The following SYNE2 variants were observed in gnomAD, a reference collection of about 807,000 sequenced individuals.
The protein encoded by SYNE2 is spectrin repeat containing nuclear envelope protein 2.
Under a neutral mutation model 856.3 loss-of-function variants are expected in SYNE2, and 431 were observed. That is an observed-to-expected ratio of 0.50 (90% CI 0.47 to 0.55). SYNE2 has a LOEUF of 0.55. SYNE2 is among the 20% of genes least tolerant of loss of function. The pLI, the probability that SYNE2 is intolerant of heterozygous loss-of-function variation, is 0.00. For missense variants in SYNE2, 8,129 were observed against 8,023.2 expected (o/e 1.01, Z -0.50); for synonymous variants, 2,923 against 2,872.3 (o/e 1.02, Z -0.56).
chr14:64,002,609 CAA>C (rs1407517068), intron 29 of SYNE2, 109 bp from the exon 30 acceptor site: 1 of 1,265,826 alleles, frequency 7.9e-7, no homozygotes, highest in African/African-American at 1.5e-5. Context: ...TTGTTAAACT[CAA>C]AAGCATTTTT....
intron 1 of SYNE2, among the ~76,000 whole-genome samples, chr14:63,828,281 C>T (rs1889538398): frequency 1.3e-5 from 2 of 152,034 alleles, no homozygotes; most frequent in East Asian, 3.8e-4. Context: ...AAATACAGTA[C>T]AACACCTAGT....
chr14:63,948,722 G>GTGTATATATATATATGTATA (rs1555393492), intron 6 of SYNE2, among the ~76,000 whole-genome samples: 3 of 101,518 alleles, frequency 3.0e-5, no homozygotes, highest in African/African-American at 1.2e-4. Context: ...ATATATGTGT[G>GTGTATATATATATATGTATA]TATATATATG....
intron 2 of SYNE2, among the ~76,000 whole-genome samples, chr14:63,936,626 A>C (rs1331980803): frequency 6.6e-6 from 1 of 152,224 alleles, no homozygotes; most frequent in Non-Finnish European, 1.5e-5. Context: ...TTGGAGCAGA[A>C]GCAGCAGGTG....
intron 62 of SYNE2, chr14:64,098,522 A>G (rs546645443): frequency 6.6e-6 from 4 of 608,518 alleles, no homozygotes; most frequent in African/African-American, 3.7e-5. Context: ...TTAATCGTTT[A>G]TGAAGGGGCA....
chr14:64,184,662 C>G (rs1753146391), intron 96 of SYNE2, among the ~76,000 whole-genome samples: 2 of 152,080 alleles, frequency 1.3e-5, no homozygotes, highest in African/African-American at 4.8e-5. Flanking sequence ...GCAGGTGGCC[C>G]CCTTTATGTT....
chr14:63,895,483 G>T (rs2095232797), intron 1 of SYNE2, among the ~76,000 whole-genome samples: 1 of 150,660 alleles, frequency 6.6e-6, no homozygotes, highest in African/African-American at 2.4e-5. Context: ...CCCAGGAAGG[G>T]TGGTTCACAC....
intron 85 of SYNE2, among the ~76,000 whole-genome samples, chr14:64,157,592 T>C (rs1322683626): frequency 6.6e-6 from 1 of 152,230 alleles, no homozygotes; most frequent in Admixed American, 6.5e-5. Context: ...AATTCTCTTG[T>C]GTGTATAAGA....
chr14:64,086,724 T>C (rs2097564936), intron 57 of SYNE2, among the ~76,000 whole-genome samples: 1 of 135,872 alleles, frequency 7.4e-6, no homozygotes, highest in Non-Finnish European at 1.6e-5. Context: ...TTTTTTTTTT[T>C]TTTGAGATGG....
At chr14:64,047,181 G>A (rs1290423959) in intron 45 of SYNE2, among the ~76,000 whole-genome samples, 1 of 152,190 alleles carries the variant, frequency 6.6e-6, no homozygotes, top group African/African-American at 2.4e-5. Context: ...TCAGTGGAGA[G>A]GGAAGCTGGA....
chr14:63,872,714 A>T lies in SYNE2; in HGVS notation c.-52+19571A>T, dbSNP rs554766211. Reference sequence around the variant, plus strand: ...GAGGCAGAGGCTGCAGTGGCCTAAGATCACACCACTGTACTCCAGCCTGGG... The same window carrying T: ...GAGGCAGAGGCTGCAGTGGCCTAAGTTCACACCACTGTACTCCAGCCTGGG... On this transcript the variant is annotated intron_variant, in intron 1 of 115. Transcript: ENST00000555002. Among the ~76,000 whole-genome samples the T allele has an allele frequency of 4.8e-5, 7 of 146,472 alleles. No homozygotes were observed. In the South Asian group the frequency reaches 1.3e-3, roughly 27 times the overall value.
rs1483692492 is a variant in SYNE2 at position 64,074,025 on chromosome 14, A to G, written c.10755A>G (p.Arg3585=). Residue 3585 remains arginine (R), a synonymous_variant, in exon 53 of 116, where the codon AGA becomes AGG. Coordinates refer to ENST00000555002, the MANE Select transcript of SYNE2 (RefSeq NM_182914.3). ...KELVQTEIQE[R]HSFTKEIIAL... is the part of the protein sequence containing the mutation. The stretch of plus-strand genomic sequence containing the variant: ...TGGTGCAGACTGAAATCCAAGAAAG[A>G]CATTCCTTCACAAAAGAGATAATTG... 1.2e-6 allele frequency: 2 copies of G among 1,614,140 alleles called. No individual in the cohort carries two copies. The highest frequency in any genetic ancestry group is 1.3e-5 in the African/African-American group (1 of 74,954).
At chr14:64,020,189 T>A in intron 35 of SYNE2, 96 bp downstream of exon 35, 1 of 856,214 alleles carries the variant, frequency 1.2e-6, no homozygotes, top group African/African-American at 1.7e-5. Flanking sequence ...CAAAACCCTG[T>A]CTCTAAAAGA....
intron 9 of SYNE2, among the ~76,000 whole-genome samples, chr14:63,963,301 A>G (rs1283637949): frequency 6.6e-6 from 1 of 152,216 alleles, no homozygotes; most frequent in African/African-American, 2.4e-5. Context: ...ATATTAGAAA[A>G]CTTTTACTTA....
At chr14:63,994,452 T>C (rs148080030) in intron 22 of SYNE2, among the ~76,000 whole-genome samples, 1 of 152,354 alleles carries the variant, frequency 6.6e-6, no homozygotes, top group East Asian at 1.9e-4. Flanking sequence ...ATAAACTTTA[T>C]TACTTTAGAA....
chr14:63,962,095 C>T (rs528951104), intron 9 of SYNE2, among the ~76,000 whole-genome samples: 17 of 151,400 alleles, frequency 1.1e-4, no homozygotes, highest in African/African-American at 3.9e-4. Flanking sequence ...CTTGCCCTGT[C>T]GCCCAGGCTG....
At chr14:64,153,490 C>A (rs925234422) in intron 85 of SYNE2, among the ~76,000 whole-genome samples, 2 of 152,166 alleles carry the variant, frequency 1.3e-5, no homozygotes, top group African/African-American at 4.8e-5. Context: ...AATCTACTTT[C>A]AACCATTTGT....
chr14:63,785,033 T>C (rs142128854), intron 1 of SYNE2, among the ~76,000 whole-genome samples: 88 of 152,280 alleles, frequency 5.8e-4, no homozygotes, highest in Middle Eastern at 3.4e-3. Context: ...GTGATCCTCA[T>C]TCTTAAGGAA....
intron 103 of SYNE2, among the ~76,000 whole-genome samples, 153 bp from the exon 104 acceptor site, chr14:64,211,808 A>G (rs545797273): frequency 3.9e-5 from 6 of 152,268 alleles, no homozygotes; most frequent in Admixed American, 2.6e-4. Flanking sequence ...TCTGAACAAC[A>G]TAGTGCTTCT....
rs754175352 is a variant in SYNE2, at chr14:64,223,260, C to T, written c.20262C>T (p.Leu6754=). The T allele has an allele frequency of 1.1e-5, 17 of 1,614,036 alleles. No homozygotes were observed. Among genetic ancestry groups the T allele is most frequent in the Non-Finnish European group, 1.2e-5 (14 of 1,180,036 alleles). ...DMLQEISNSL[L]IKGHGEDCIE... is the part of the protein sequence containing the mutation. ...TACAGGAGATTTCAAACAGCCTTCTCATTAAGGGACATGGAGAAGACTGTA... is the reference window on the plus strand; with the variant it reads ...TACAGGAGATTTCAAACAGCCTTCTTATTAAGGGACATGGAGAAGACTGTA... The change falls in exon 113 of 116, where the codon CTC becomes CTT. Residue 6754 remains leucine (L), a synonymous_variant. Coordinates refer to ENST00000555002, the MANE Select transcript of SYNE2 (RefSeq NM_182914.3).
Sources: gnomAD v4.1 joint callset for allele counts (sites outside exome capture counted in the v4.1 genomes callset) on GRCh38, gnomAD v4.1.1 for gene constraint, MANE v1.5 for transcripts, NCBI Gene and HGNC (gene_info 2026-07-23, HGNC 2026-07-21) for gene names.